The following GPR160 variants were observed in gnomAD, a reference collection of about 807,000 sequenced individuals.
GPR160 encodes the protein probable G protein-coupled receptor 160.
GPR160 carries 2 observed loss-of-function variants against 2.6 expected under a neutral mutation model. The observed-to-expected ratio is 0.77, with a 90% confidence interval of 0.32 to 2.44. The LOEUF (loss-of-function observed/expected upper bound fraction) is 2.44, where lower values mean the gene tolerates loss of function less well. Among genes scored for constraint, GPR160 ranks in the 30% most tolerant of loss-of-function variants. The pLI is 0.11. For missense variants in GPR160, 351 were observed against 383.6 expected, an observed-to-expected ratio of 0.91 and a Z score of 0.71; for synonymous variants, 130 against 132.2, an observed-to-expected ratio of 0.98 and a Z score of 0.12.
chr3:170,064,514 C>CTTTTTTTTTTTTTTTT (rs1175382810), intron 2 of GPR160, among the ~76,000 whole-genome samples: 1 of 81,050 alleles, frequency 1.2e-5, no homozygotes, highest in African/African-American at 4.1e-5. Context: ...CTTTTCTTTT[C>CTTTTTTTTTTTTTTTT]TTTTTTTTTT....
At chr3:170,074,182 C>T (rs2108342167) in intron 2 of GPR160, among the ~76,000 whole-genome samples, 1 of 152,282 alleles carries the variant, frequency 6.6e-6, no homozygotes, top group African/African-American at 2.4e-5. Context: ...AGCCACCACA[C>T]TGGGCCAGTT....
At chr3:170,073,511 G>A (rs1005140746) in intron 2 of GPR160, among the ~76,000 whole-genome samples, 1 of 152,100 alleles carries the variant, frequency 6.6e-6, no homozygotes, top group African/African-American at 2.4e-5. Context: ...ATTAAATGCT[G>A]CATCTGCGTC....
Position 170,082,013 on chromosome 3 carries a change from C to T in GPR160, c.-68-1892C>T, listed in dbSNP as rs184079075. Among the ~76,000 whole-genome samples, 6 of 152,282 alleles carry T rather than the reference C, an allele frequency of 3.9e-5. No homozygotes were observed. The East Asian group carries it at 9.6e-4, about 24-fold the overall frequency. On this transcript the variant is annotated intron_variant, in intron 3 of 3. Coordinates refer to ENST00000355897, the MANE Select transcript of GPR160 (RefSeq NM_014373.3). ...TGATTCCATGTTTTTACTATTGTCA[C>T]ACTGATTTATCTTCAGACAAAATTA...
chr3:170,054,502 G>A (rs1388109268), intron 2 of GPR160, among the ~76,000 whole-genome samples: 1 of 152,160 alleles, frequency 6.6e-6, no homozygotes, highest in Non-Finnish European at 1.5e-5. Flanking sequence ...ATTTTTAAGT[G>A]TACAGGTCAA....
At chr3:170,039,918 G>A (rs571410858) in intron 2 of GPR160, among the ~76,000 whole-genome samples, 2 of 152,220 alleles carry the variant, frequency 1.3e-5, no homozygotes, top group South Asian at 2.1e-4. Context: ...TAGCAGAGAA[G>A]GGAGGGGAAC....
Position 170,058,648 on chromosome 3 carries a change from A to G in GPR160, c.-193+19605A>G, listed in dbSNP as rs544322276. Among the ~76,000 whole-genome samples the G allele has an allele frequency of 2.6e-5, 4 of 152,324 alleles. No homozygotes were observed. The South Asian group carries it at 8.3e-4, about 32-fold the overall frequency. ...ATGAAGGAAAAATTGGCAATATCTA[A>G]CAAAATTATGTAAGCATTCACCCTT... On this transcript the variant is annotated intron_variant, in intron 2 of 3. Transcript: ENST00000355897.
intron 2 of GPR160, among the ~76,000 whole-genome samples, chr3:170,066,646 G>C (rs1205519305): frequency 6.6e-6 from 1 of 152,122 alleles, no homozygotes; most frequent in African/African-American, 2.4e-5. Flanking sequence ...TAAGTTTAAA[G>C]TAAGTTGTTT....
intron 2 of GPR160, among the ~76,000 whole-genome samples, chr3:170,074,111 A>G (rs918653603): frequency 1.3e-5 from 2 of 151,618 alleles, no homozygotes; most frequent in African/African-American, 4.8e-5. Context: ...ATGGGCTTGA[A>G]CTCCTGACCT....
chr3:170,046,899 C>CTTA (rs1342951295), intron 2 of GPR160, among the ~76,000 whole-genome samples: 2 of 152,156 alleles, frequency 1.3e-5, no homozygotes, highest in Non-Finnish European at 2.9e-5. Flanking sequence ...AACATGAGTT[C>CTTA]TTATTCTTTA....
rs141280811 is a variant in GPR160, at chr3:170,056,310, G to T, written c.-193+17267G>T. On this transcript the variant is annotated intron_variant, in intron 2 of 3. Transcript: ENST00000355897. ...ATACTAATTTACAAGCAAACATAAG[G>T]CATTGAGTAAAAATTCATGGTAGCT... Among the ~76,000 whole-genome samples, 32 of 152,276 alleles carry T rather than the reference G, an allele frequency of 2.1e-4. No individual in the cohort carries two copies. The East Asian group carries it at 5.8e-3, about 28-fold the overall frequency.
At chr3:170,069,579 A>C (rs1207819390) in intron 2 of GPR160, among the ~76,000 whole-genome samples, 1 of 151,974 alleles carries the variant, frequency 6.6e-6, no homozygotes, top group African/African-American at 2.4e-5. Flanking sequence ...GTCCTTGGAG[A>C]TTTGTACATT....
At chr3:170,075,269 A>G (rs1712797106) in intron 2 of GPR160, among the ~76,000 whole-genome samples, 1 of 152,214 alleles carries the variant, frequency 6.6e-6, no homozygotes, top group African/African-American at 2.4e-5. Flanking sequence ...CAGAAGGAAA[A>G]ATGCAAAAGT....
intron 2 of GPR160, among the ~76,000 whole-genome samples, chr3:170,054,633 C>G (rs1448175810): frequency 3.3e-5 from 5 of 152,134 alleles, no homozygotes; most frequent in Non-Finnish European, 7.4e-5. Flanking sequence ...TTCTTCCCTT[C>G]TCCTAGCTCC....
rs760773527 is a variant in GPR160, at chr3:170,084,274, T to C, written c.302T>C (p.Ile101Thr). ...KYHICLFTQIISFTYGFLHYP... is the reference protein window; with the variant it reads ...KYHICLFTQITSFTYGFLHYP... ...CACATCTGCCTATTTACTCAAATTA[T>C]TTCCTTTACTTATGGCTTTTTGCAT... is the stretch of plus-strand genomic sequence containing the variant. The change falls in exon 4 of 4, where the codon ATT (isoleucine) becomes ACT (threonine). Residue 101 changes from isoleucine (I) to threonine (T), a missense_variant. By Grantham distance (89) the Ile-to-Thr change is moderately conservative (BLOSUM62 -1). Coordinates refer to ENST00000355897, the MANE Select transcript of GPR160 (RefSeq NM_014373.3). 1.2e-6 allele frequency: 2 copies of C among 1,609,132 alleles called. No homozygotes were observed. Among genetic ancestry groups the C allele is most frequent in the Admixed American group, 1.7e-5 (1 of 59,862 alleles).
intron 2 of GPR160, among the ~76,000 whole-genome samples, chr3:170,064,448 A>G (rs762046348): frequency 6.6e-5 from 10 of 151,438 alleles, no homozygotes; most frequent in Non-Finnish European, 1.3e-4. Flanking sequence ...CTAGACTGTC[A>G]AGGCTGGAGG....
intron 2 of GPR160, among the ~76,000 whole-genome samples, chr3:170,070,926 A>G (rs1487550924): frequency 6.6e-6 from 1 of 152,150 alleles, no homozygotes; most frequent in Non-Finnish European, 1.5e-5. Context: ...TTTAGTGTAT[A>G]ATTTGAATTT....
chr3:170,053,012 A>G (rs1305867160), intron 2 of GPR160, among the ~76,000 whole-genome samples: 1 of 152,164 alleles, frequency 6.6e-6, no homozygotes, highest in Non-Finnish European at 1.5e-5. Context: ...TTATAAATCA[A>G]GTGGACTGGT....
intron 2 of GPR160, among the ~76,000 whole-genome samples, chr3:170,073,881 A>ATTTTTTTTT (rs35575462): frequency 3.7e-5 from 3 of 81,880 alleles, no homozygotes; most frequent in African/African-American, 4.7e-5. Context: ...TTTAATAGGG[A>ATTTTTTTTT]TTTTTTTTTT....
intron 3 of GPR160, among the ~76,000 whole-genome samples, chr3:170,081,519 T>C (rs956521459): frequency 1.3e-5 from 2 of 152,130 alleles, no homozygotes; most frequent in Non-Finnish European, 2.9e-5. Context: ...TTATGACAGA[T>C]TTATGGCCAT....
Sources: gnomAD v4.1 joint callset for allele counts (sites outside exome capture counted in the v4.1 genomes callset) on GRCh38, gnomAD v4.1.1 for gene constraint, MANE v1.5 for transcripts, NCBI Gene and HGNC (gene_info 2026-07-23, HGNC 2026-07-21) for gene names.